Variants in LMNB1 observed in about 807,000 individuals in gnomAD.
LMNB1 encodes the protein lamin-B1.
Under a neutral mutation model 67.1 loss-of-function variants are expected in LMNB1, and 23 were observed. The observed-to-expected ratio is 0.34, with a 90% CI of 0.25 to 0.49. The LOEUF is 0.49. Among genes scored for constraint, LMNB1 ranks in the 20% least tolerant of loss-of-function variants. The pLI is 0.99. For synonymous variants in LMNB1, 281 were observed against 282.9 expected (o/e 0.99, Z 0.07); for missense variants, 634 against 746.5 (o/e 0.85, Z 1.76).
chr5:126,780,925 C>G (rs150194061), intron 1 of LMNB1, among the ~76,000 whole-genome samples: 146 of 152,290 alleles, frequency 9.6e-4, no homozygotes, highest in Admixed American at 3.0e-3. Context: ...ATATCTATCA[C>G]ATGAATCTGC....
At chr5:126,778,351 A>G (rs929007401) in intron 1 of LMNB1, among the ~76,000 whole-genome samples, 3 of 152,308 alleles carry the variant, frequency 2.0e-5, no homozygotes, top group African/African-American at 7.2e-5. Flanking sequence ...CGCCTCTAGA[A>G]TGAATGAGCT....
intron 10 of LMNB1, among the ~76,000 whole-genome samples, chr5:126,835,324 T>C (rs1752225769): frequency 6.6e-6 from 1 of 152,192 alleles, no homozygotes; most frequent in Non-Finnish European, 1.5e-5. Flanking sequence ...TTAGAAATAT[T>C]TTGGTGACCT....
intron 4 of LMNB1, 71 bp from the exon 5 acceptor site, chr5:126,811,702 T>G: frequency 2.7e-6 from 4 of 1,456,446 alleles, no homozygotes; most frequent in Non-Finnish European, 3.8e-6. Context: ...TGAAATGCCT[T>G]GAGGTGAATC....
intron 8 of LMNB1, 108 bp downstream of exon 8, chr5:126,822,993 G>T (rs1365624141): frequency 2.9e-6 from 2 of 694,954 alleles, no homozygotes; most frequent in Non-Finnish European, 5.0e-6. Flanking sequence ...GGCCGTTAAA[G>T]TACTTTTTAT....
chr5:126,800,951 C>CTATATA (rs57113826), intron 1 of LMNB1, among the ~76,000 whole-genome samples: 537 of 47,058 alleles, frequency 0.011, 8 homozygotes, highest in East Asian at 0.015. Flanking sequence ...TGCAGCCAGA[C>CTATATA]TATATATATA....
intron 1 of LMNB1, among the ~76,000 whole-genome samples, chr5:126,785,440 C>T (rs932940885): frequency 4.7e-4 from 71 of 151,550 alleles, no homozygotes; most frequent in African/African-American, 1.6e-3. Flanking sequence ...TACAGGCACA[C>T]GCCACCACGT....
chr5:126,790,047 G>T (rs996283036), intron 1 of LMNB1, among the ~76,000 whole-genome samples: 1 of 151,780 alleles, frequency 6.6e-6, no homozygotes, highest in Non-Finnish European at 1.5e-5. Flanking sequence ...CAGATGATCC[G>T]CCCACCTCAG....
chr5:126,780,500 T>TA (rs935899733), intron 1 of LMNB1, among the ~76,000 whole-genome samples: 5 of 152,182 alleles, frequency 3.3e-5, no homozygotes, highest in Admixed American at 1.3e-4. Context: ...TCAGCGGGGT[T>TA]AAAAAATGAG....
chr5:126,801,740 G>C (rs1315049528), intron 1 of LMNB1, among the ~76,000 whole-genome samples: 1 of 152,180 alleles, frequency 6.6e-6, no homozygotes, highest in Non-Finnish European at 1.5e-5. Flanking sequence ...TATCATTCTT[G>C]CTGGACCATT....
Position 126,830,145 on chromosome 5 carries a change from C to A in LMNB1, c.1612-2549C>A, listed in dbSNP as rs79331636. ...TGCTAATTTCTGTGGTATAAATACT[C>A]CTACTGTGGCTGATGCCAGGCTTCC... On this transcript the variant is annotated intron_variant, in intron 9 of 10. Transcript: ENST00000261366. 6.5e-3 allele frequency among the ~76,000 whole-genome samples: 989 copies of A among 152,314 alleles called. 12 individuals carry two copies. Among genetic ancestry groups the A allele is most frequent in the African/African-American group, 0.022 (902 of 41,550 alleles).
chr5:126,827,082 C>T (rs1392044586), intron 9 of LMNB1, among the ~76,000 whole-genome samples: 1 of 152,132 alleles, frequency 6.6e-6, no homozygotes, highest in African/African-American at 2.4e-5. Context: ...ACCTTACAAC[C>T]TGACTGGGTA....
intron 7 of LMNB1, among the ~76,000 whole-genome samples, chr5:126,821,665 A>G (rs74849315): frequency 0.015 from 2,353 of 152,324 alleles, 35 homozygotes; most frequent in African/African-American, 0.028. Context: ...AACATGAAGT[A>G]TTCATAGCAG....
At chr5:126,800,982 A>ATATATAATTTTTTTT in intron 1 of LMNB1, among the ~76,000 whole-genome samples, 14 of 18,632 alleles carry the variant, frequency 7.5e-4, no homozygotes, top group African/African-American at 1.0e-3. Context: ...TATATATATA[A>ATATATAATTTTTTTT]TTTTTTTTTT....
intron 9 of LMNB1, among the ~76,000 whole-genome samples, chr5:126,830,242 C>T (rs1752101339): frequency 6.6e-6 from 1 of 152,188 alleles, no homozygotes; most frequent in Non-Finnish European, 1.5e-5. Flanking sequence ...CTCCGGGCAC[C>T]ACTGCACAGA....
chr5:126,807,428 A>G (rs2126713354), intron 3 of LMNB1, among the ~76,000 whole-genome samples: 1 of 152,374 alleles, frequency 6.6e-6, no homozygotes, highest in East Asian at 1.9e-4. Flanking sequence ...GCACCAGACA[A>G]GCAGTCAGAC....
chr5:126,824,794 C>T (rs1045395721), intron 8 of LMNB1, among the ~76,000 whole-genome samples: 2 of 152,074 alleles, frequency 1.3e-5, no homozygotes, highest in Non-Finnish European at 2.9e-5. Context: ...AAAGTAAGGG[C>T]TCTCTCCTAA....
chr5:126,784,461 A>G (rs1427145577), intron 1 of LMNB1, among the ~76,000 whole-genome samples: 2 of 136,256 alleles, frequency 1.5e-5, no homozygotes, highest in African/African-American at 2.8e-5. Flanking sequence ...GGTTTAAGCA[A>G]TTCTCTGCCT....
Position 126,811,857 on chromosome 5 carries a change from A to G in LMNB1, c.898A>G (p.Ile300Val), listed in dbSNP as rs185281932. 1.9e-6 allele frequency: 3 copies of G among 1,612,798 alleles called. No homozygotes were observed. In the African/African-American group the frequency reaches 4.0e-5, roughly 21 times the overall value. The change falls in exon 5 of 11, where the codon ATT (isoleucine) becomes GTT (valine). Residue 300 changes from isoleucine (I) to valine (V), a missense_variant. Physicochemically the swap from Ile to Val is conservative, Grantham distance 29. Coordinates refer to ENST00000261366, the MANE Select transcript of LMNB1 (RefSeq NM_005573.4). ...AGAACTGATGGAAAGCCGCATGAGA[A>G]TTGAGAGCCTTTCATCCCAGCTTTC... ...REELMESRMR[I>V]ESLSSQLSNL...
At chr5:126,798,123 G>A (rs918668714) in intron 1 of LMNB1, among the ~76,000 whole-genome samples, 7 of 149,090 alleles carry the variant, frequency 4.7e-5, no homozygotes, top group South Asian at 2.2e-4. Flanking sequence ...GCAACAGAGC[G>A]AGACCGTCTC....
Sources: gnomAD v4.1 joint callset for allele counts (sites outside exome capture counted in the v4.1 genomes callset) on GRCh38, gnomAD v4.1.1 for gene constraint, MANE v1.5 for transcripts, NCBI Gene and HGNC (gene_info 2026-07-23, HGNC 2026-07-21) for gene names.